TMEM260: variants seen among roughly 807,000 people sequenced by gnomAD.
The protein encoded by TMEM260 is transmembrane protein 260.
TMEM260 carries 82 observed loss-of-function variants against 88.9 expected under a neutral mutation model. The observed-to-expected ratio is 0.92, with a 90% CI of 0.77 to 1.11. The LOEUF is 1.11. TMEM260 is among the 50% of genes least tolerant of loss of function. TMEM260 has a pLI of 0.00. For synonymous variants in TMEM260, 314 were observed against 309.3 expected, an observed-to-expected ratio of 1.02 and a Z score of -0.16; for missense variants, 902 against 853.4, an observed-to-expected ratio of 1.06 and a Z score of -0.71.
At position 56,618,480 on chromosome 14, in the gene TMEM260, T is replaced by C. The variant is rs1031328435; in HGVS notation, c.1057-114T>C. 5 of 946,176 alleles carry C rather than the reference T, an allele frequency of 5.3e-6. No homozygotes were observed. In the African/African-American group the frequency reaches 6.7e-5, roughly 13 times the overall value. 58.6% of individuals were successfully genotyped at this position (946,176 alleles called of 1,614,324 possible). A position where few individuals can be genotyped will look rare whatever the true frequency, so the allele number is the denominator to read the frequency against. ...GGGAAATCAGTTAACAAAACCTGAA[T>C]GACAACAGGCACACACAACTAGGTG... On this transcript the variant is annotated intron_variant, in intron 9 of 15. Transcript: ENST00000261556.
At chr14:56,591,447 T>A (rs770939945) in intron 3 of TMEM260, among the ~76,000 whole-genome samples, 1 of 152,228 alleles carries the variant, frequency 6.6e-6, no homozygotes, top group Admixed American at 6.5e-5. Flanking sequence ...TGTTCTGCCT[T>A]GACTTCCTAT....
At chr14:56,651,838 A>C (rs1438520823), downstream of TMEM260, among the ~76,000 whole-genome samples, 2 of 152,234 alleles carry the variant, frequency 1.3e-5, no homozygotes, top group Admixed American at 1.3e-4. Flanking sequence ...AATGGCATAA[A>C]ATTTTTTAAT....
chr14:56,615,799 C>T, intron 7 of TMEM260, 145 bp from the exon 8 acceptor site: 5 of 594,866 alleles, frequency 8.4e-6, no homozygotes, highest in Non-Finnish European at 1.2e-5. Flanking sequence ...CTTTTTCTTC[C>T]AACTTTAAAA....
downstream of TMEM260, among the ~76,000 whole-genome samples, chr14:56,651,295 A>G (rs1309234491): frequency 6.6e-6 from 1 of 151,770 alleles, no homozygotes; most frequent in African/African-American, 2.4e-5. Flanking sequence ...AAAATTAAAC[A>G]GGAATATATC....
chr14:56,584,885 C>A, intron 1 of TMEM260, 116 bp from the exon 2 acceptor site: 2 of 751,988 alleles, frequency 2.7e-6, no homozygotes, highest in African/African-American at 3.5e-5. Flanking sequence ...TACAGATTTA[C>A]AGTTTTATCC....
intron 3 of TMEM260, among the ~76,000 whole-genome samples, chr14:56,593,844 C>G (rs1004395943): frequency 6.6e-6 from 1 of 150,942 alleles, no homozygotes; most frequent in Non-Finnish European, 1.5e-5. Flanking sequence ...CCCGCCACCG[C>G]GCCCGGCTAA....
At chr14:56,653,356 G>A (rs190478801), downstream of TMEM260, among the ~76,000 whole-genome samples, 1 of 152,186 alleles carries the variant, frequency 6.6e-6, no homozygotes, top group Non-Finnish European at 1.5e-5. Flanking sequence ...TAAAGAAATT[G>A]ATAAATGTGT....
the TMEM260 span, among the ~76,000 whole-genome samples, chr14:56,656,097 A>G: frequency 0.27 from 40,615 of 151,976 alleles, 8,983 homozygotes; most frequent in African/African-American, 0.6. Context: ...CCACTTCCTC[A>G]CTGTGTGACT....
At chr14:56,616,673 G>C (rs1183238437) in intron 8 of TMEM260, among the ~76,000 whole-genome samples, 1 of 151,790 alleles carries the variant, frequency 6.6e-6, no homozygotes, top group Non-Finnish European at 1.5e-5. Context: ...CATTTTTATG[G>C]ATTAATCTTT....
chr14:56,597,861 G>A (rs1886342637), intron 3 of TMEM260, among the ~76,000 whole-genome samples: 1 of 152,138 alleles, frequency 6.6e-6, no homozygotes, highest in Non-Finnish European at 1.5e-5. Context: ...ATCACTACCA[G>A]GTCTCTTAAT....
intron 3 of TMEM260, among the ~76,000 whole-genome samples, chr14:56,598,021 A>G (rs547583526): frequency 1.3e-5 from 2 of 152,188 alleles, no homozygotes; most frequent in African/African-American, 2.4e-5. Context: ...GGTGTACCAT[A>G]GTTGGTTGGA....
At position 56,636,542 on chromosome 14, in the gene TMEM260, G is replaced by A; in HGVS notation, c.1813G>A (p.Glu605Lys). Reference sequence around the variant, plus strand: ...ACCGTTCTTCATCTTTAACCTGGCAGAAACTGCTCACATGCCTTCAAAAGT... The same window carrying A: ...ACCGTTCTTCATCTTTAACCTGGCAAAAACTGCTCACATGCCTTCAAAAGT... ...KTPFFIFNLA[E>K]TAHMPSKVKA... Residue 605 changes from glutamate (E) to lysine (K), a missense_variant, in exon 15 of 16, where the codon GAA becomes AAA. Glu to Lys is a moderately conservative substitution (Grantham distance 56). Transcript: ENST00000261556. The A allele has an allele frequency of 6.2e-7, 1 of 1,614,024 alleles. No individual in the cohort carries two copies. Among genetic ancestry groups the A allele is most frequent in the Non-Finnish European group, 8.5e-7 (1 of 1,179,990 alleles).
chr14:56,610,547 G>C (rs1381090972), intron 6 of TMEM260, among the ~76,000 whole-genome samples: 3 of 152,018 alleles, frequency 2.0e-5, no homozygotes. Context: ...CGGCCAGTGA[G>C]GTTTTGTTTC....
At chr14:56,614,944 A>ATGGC (rs1331267725) in intron 7 of TMEM260, among the ~76,000 whole-genome samples, 2 of 152,188 alleles carry the variant, frequency 1.3e-5, no homozygotes, top group African/African-American at 4.8e-5. Context: ...GCATATCTCT[A>ATGGC]AATTGCAATC....
intron 15 of TMEM260, among the ~76,000 whole-genome samples, chr14:56,639,627 CT>C (rs1411232361): frequency 6.6e-6 from 1 of 152,178 alleles, no homozygotes; most frequent in Non-Finnish European, 1.5e-5. Context: ...GTTCATCTCA[CT>C]GGGGAGTGCC....
At chr14:56,601,240 T>C (rs1202042800) in intron 3 of TMEM260, among the ~76,000 whole-genome samples, 1 of 152,202 alleles carries the variant, frequency 6.6e-6, no homozygotes, top group African/African-American at 2.4e-5. Context: ...TTAAGATGCC[T>C]TTCTGAGTGT....
intron 6 of TMEM260, 36 bp from the exon 7 acceptor site, chr14:56,612,209 T>C (rs2139575343): frequency 6.3e-7 from 1 of 1,587,122 alleles, no homozygotes; most frequent in Non-Finnish European, 8.7e-7. Context: ...GTCAGTTTAA[T>C]GCTTGTGCAG....
intron 1 of TMEM260, among the ~76,000 whole-genome samples, chr14:56,581,401 T>A (rs1885124793): frequency 6.6e-6 from 1 of 152,230 alleles, no homozygotes; most frequent in African/African-American, 2.4e-5. Context: ...GTAGGGATAG[T>A]GTTTCATTCG....
chr14:56,625,416 C>G lies in TMEM260; in HGVS notation c.1433C>G (p.Ala478Gly). Residue 478 changes from alanine (A) to glycine (G), a missense_variant, in exon 12 of 16, where the codon GCA (alanine) becomes GGA (glycine). By Grantham distance (60) the Ala-to-Gly change is moderately conservative (BLOSUM62 0). Transcript: ENST00000261556. The part of the protein sequence containing the change: ...MTYEWYLPKM[A>G]KHLPGVNFPG... ...TACGAGTGGTATTTACCCAAGATGG[C>G]AAAGCACTTGCCAGGTGTCAACTTT... The G allele has an allele frequency of 6.2e-7, 1 of 1,613,888 alleles. No individual in the cohort carries two copies. The highest frequency in any genetic ancestry group is 1.7e-4 in the Middle Eastern group (1 of 6,060).
Sources: gnomAD v4.1 joint callset for allele counts (sites outside exome capture counted in the v4.1 genomes callset) on GRCh38, gnomAD v4.1.1 for gene constraint, MANE v1.5 for transcripts, NCBI Gene and HGNC (gene_info 2026-07-23, HGNC 2026-07-21) for gene names.